The following MAB21L3 variants were observed in gnomAD, a reference collection of about 807,000 sequenced individuals.
MAB21L3 encodes mab-21 like 3.
MAB21L3 carries 36 observed loss-of-function variants against 37.7 expected under a neutral mutation model. The ratio of observed to expected loss-of-function variants is 0.96; its 90% confidence interval spans 0.73 to 1.26. MAB21L3 has a LOEUF of 1.26. MAB21L3 is among the 50% of genes most tolerant of loss of function. The pLI, the probability that MAB21L3 is intolerant of heterozygous loss-of-function variation, is 0.00. For synonymous variants in MAB21L3, 186 were observed against 176.8 expected, an observed-to-expected ratio of 1.05 and a Z score of -0.41; for missense variants, 430 against 447.3, an observed-to-expected ratio of 0.96 and a Z score of 0.35.
Position 116,114,531 on chromosome 1 carries a change from G to A in MAB21L3, c.48+1868G>A, listed in dbSNP as rs139361550. 6.0e-4 allele frequency among the ~76,000 whole-genome samples: 92 copies of A among 152,330 alleles called. 1 individual carries two copies. The East Asian group carries it at 0.015, about 24-fold the overall frequency. On this transcript the variant is annotated intron_variant, in intron 3 of 7. Coordinates refer to ENST00000369500, the MANE Select transcript of MAB21L3 (RefSeq NM_152367.3). ...CCTTGTCTTCTTTACTCCAAAGGCC[G>A]AACGTCCTCTGCCAAACTCCTCTAT...
In MAB21L3 at chr1:116,133,272, C is replaced by T; in HGVS notation, c.996C>T (p.Ser332=). The T allele has an allele frequency of 6.2e-7, 1 of 1,614,222 alleles. No individual in the cohort carries two copies. Among genetic ancestry groups the T allele is most frequent in the Non-Finnish European group, 8.5e-7 (1 of 1,180,040 alleles). ...HFLKHYFVRN[S]NLFQCTNPTE... is the part of the protein sequence containing the mutation. ...TGAAACACTATTTCGTCCGGAACAG[C>T]AACCTCTTTCAGTGCACCAACCCGA... The change falls in exon 8 of 8, where the codon AGC becomes AGT. Residue 332 remains serine (S), a synonymous_variant. Coordinates refer to ENST00000369500, the MANE Select transcript of MAB21L3 (RefSeq NM_152367.3).
chr1:116,124,149 G>T lies in MAB21L3; in HGVS notation c.273G>T (p.Arg91=). 1 of 1,614,232 alleles carries T rather than the reference G, an allele frequency of 6.2e-7. No individual in the cohort carries two copies. Among genetic ancestry groups the T allele is most frequent in the Non-Finnish European group, 8.5e-7 (1 of 1,180,040 alleles). Residue 91 remains arginine (R), a synonymous_variant, in exon 5 of 8, where the codon CGG becomes CGT. Coordinates refer to ENST00000369500, the MANE Select transcript of MAB21L3 (RefSeq NM_152367.3). Reference sequence around the variant, plus strand: ...GGGAGGCCAGGGAGCAGCACTGGCGGTACTACACACTGCAGGGCACCAGGC... The same window carrying T: ...GGGAGGCCAGGGAGCAGCACTGGCGTTACTACACACTGCAGGGCACCAGGC... The part of the protein sequence containing the change: ...GYREAREQHW[R]YYTLQGTRLP...
intron 3 of MAB21L3, among the ~76,000 whole-genome samples, chr1:116,120,400 T>C (rs1380793591): frequency 0.024 from 2,201 of 90,532 alleles, 51 homozygotes; most frequent in African/African-American, 0.19. Flanking sequence ...GATATTACAT[T>C]ATACACACAC....
intron 2 of MAB21L3, 41 bp downstream of exon 2, chr1:116,111,851 G>A (rs1050914420): frequency 6.6e-5 from 10 of 152,524 alleles, no homozygotes; most frequent in Non-Finnish European, 1.5e-4. Flanking sequence ...CTGTGGGTGT[G>A]TGCCCGTGTG....
In MAB21L3 at chr1:116,127,573, T is replaced by C; in HGVS notation, c.589T>C (p.Trp197Arg). Residue 197 changes from tryptophan to arginine, a missense_variant, in exon 6 of 8, where the codon TGG becomes CGG. Physicochemically the swap from Trp to Arg is moderately radical, Grantham distance 101. Transcript: ENST00000369500. ...CCCCGCAGTGGAGATCCCCACCACC[T>C]GGTCCAAGAAAGCCCGGTGGCCTCG... ...LVPAVEIPTT[W>R]SKKARWPRCL... The C allele has an allele frequency of 1.2e-6, 2 of 1,614,174 alleles. No individual in the cohort carries two copies. Among genetic ancestry groups the C allele is most frequent in the Non-Finnish European group, 1.7e-6 (2 of 1,180,036 alleles).
rs1238112557 is a variant in MAB21L3, at chr1:116,127,786, C to A, written c.660+142C>A. On this transcript the variant is annotated intron_variant, in intron 6 of 7. Transcript: ENST00000369500. ...AGTTCTCAAAGTGTGGGCCCTGCAG[C>A]AGCGTCACCTGAGAACTTGTTAGAA... The A allele has an allele frequency of 3.2e-6, 3 of 928,014 alleles. No homozygotes were observed. In the African/African-American group the frequency reaches 5.1e-5, roughly 16 times the overall value. 57.5% of individuals were successfully genotyped at this position (928,014 alleles called of 1,614,324 possible). A position where few individuals can be genotyped will look rare whatever the true frequency, so the allele number is the denominator to read the frequency against.
At chr1:116,123,412 A>T (rs1659805105) in intron 4 of MAB21L3, among the ~76,000 whole-genome samples, 1 of 152,232 alleles carries the variant, frequency 6.6e-6, no homozygotes, top group African/African-American at 2.4e-5. Flanking sequence ...AGGCCAAAAA[A>T]AAAAGGAGAT....
Position 116,112,020 on chromosome 1 carries a change from G to A in MAB21L3, c.-210+210G>A, listed in dbSNP as rs199576437. ...TGACAAGACCTGATCACTTGTTTGC[G>A]GGCATAATGATGGGTGTCAGGCTGG... On this transcript the variant is annotated intron_variant, in intron 2 of 7. Transcript: ENST00000369500. Among the ~76,000 whole-genome samples, 14 of 152,246 alleles carry A rather than the reference G, an allele frequency of 9.2e-5. No homozygotes were observed. The East Asian group carries it at 1.7e-3, about 19-fold the overall frequency.
In MAB21L3 at chr1:116,138,047, G is replaced by C. The variant is rs542921512; in HGVS notation, c.*4682G>C. On this transcript the variant is annotated 3_prime_UTR_variant, in exon 8 of 8. Transcript: ENST00000369500. The stretch of plus-strand genomic sequence containing the variant: ...TAGATGACGAGTTAGTGGGTGCAGC[G>C]CACCAGCATGGCACATGTATACATA... Among the ~76,000 whole-genome samples the C allele has an allele frequency of 6.6e-6, 1 of 150,476 alleles. No individual in the cohort carries two copies. Among genetic ancestry groups the C allele is most frequent in the African/African-American group, 2.4e-5 (1 of 40,834 alleles).
At chr1:116,120,431 A>AG in intron 3 of MAB21L3, among the ~76,000 whole-genome samples, 1 of 133,098 alleles carries the variant, frequency 7.5e-6, no homozygotes, top group African/African-American at 3.9e-5. Flanking sequence ...ACACACACAC[A>AG]AACACACACA....
At chr1:116,121,509 C>T (rs1659748423) in intron 4 of MAB21L3, among the ~76,000 whole-genome samples, 1 of 152,164 alleles carries the variant, frequency 6.6e-6, no homozygotes, top group Non-Finnish European at 1.5e-5. Context: ...GATTCCAAAG[C>T]ACATTCCGCT....
rs531141697 is a variant in MAB21L3, at chr1:116,118,481, A to G, written c.49-2451A>G. ...ATTTAATGTGCACCTCTTCCCCACC[A>G]TTAATGCTAGTGCCCAGTGTTCCCC... On this transcript the variant is annotated intron_variant, in intron 3 of 7. Coordinates refer to ENST00000369500, the MANE Select transcript of MAB21L3 (RefSeq NM_152367.3). 2.6e-5 allele frequency among the ~76,000 whole-genome samples: 4 copies of G among 152,122 alleles called. No individual in the cohort carries two copies. In the East Asian group the frequency reaches 7.7e-4, roughly 29 times the overall value.
At chr1:116,125,562 A>C (rs1197491820) in intron 5 of MAB21L3, among the ~76,000 whole-genome samples, 1 of 152,244 alleles carries the variant, frequency 6.6e-6, no homozygotes, top group Non-Finnish European at 1.5e-5. Context: ...TAAGTGAAAA[A>C]CCAAACTGCT....
chr1:116,128,670 C>A (rs1263116717), intron 7 of MAB21L3, among the ~76,000 whole-genome samples: 1 of 152,088 alleles, frequency 6.6e-6, no homozygotes, highest in Non-Finnish European at 1.5e-5. Context: ...CACTAGGTGC[C>A]AGAAACCCTG....
rs1232209562 is a variant in MAB21L3, at chr1:116,134,087, T to C, written c.*722T>C. ...GCAGGGAGGGGAATGGTTTTGATGA[T>C]AAGTGTAAGTCAAAGATGAAAGTAC... On this transcript the variant is annotated 3_prime_UTR_variant, in exon 8 of 8. Transcript: ENST00000369500. 1 of 151,206 alleles carries C rather than the reference T, an allele frequency of 6.6e-6. No individual in the cohort carries two copies. Among genetic ancestry groups the C allele is most frequent in the African/African-American group, 2.5e-5 (1 of 40,774 alleles). 9.4% of individuals were successfully genotyped at this position (151,206 alleles called of 1,614,324 possible).
chr1:116,133,510 C>A lies in MAB21L3; in HGVS notation c.*145C>A. The A allele has an allele frequency of 1.4e-6, 1 of 721,588 alleles. No homozygotes were observed. The highest frequency in any genetic ancestry group is 2.3e-6 in the Non-Finnish European group (1 of 437,674). 44.7% of individuals were successfully genotyped at this position (721,588 alleles called of 1,614,324 possible). A position where few individuals can be genotyped will look rare whatever the true frequency, so the allele number is the denominator to read the frequency against. ...AAATTACATCAAACCAGAAACACTTCAGCAGGGGGAAAACTGTGCCCCAGG... is the reference window on the plus strand; with the variant it reads ...AAATTACATCAAACCAGAAACACTTAAGCAGGGGGAAAACTGTGCCCCAGG... On this transcript the variant is annotated 3_prime_UTR_variant, in exon 8 of 8. Coordinates refer to ENST00000369500, the MANE Select transcript of MAB21L3 (RefSeq NM_152367.3).
In MAB21L3 at chr1:116,120,993, A is replaced by G; in HGVS notation, c.110A>G (p.His37Arg). The G allele has an allele frequency of 6.2e-7, 1 of 1,614,168 alleles. No individual in the cohort carries two copies. Among genetic ancestry groups the G allele is most frequent in the Non-Finnish European group, 8.5e-7 (1 of 1,180,032 alleles). ...GAGGAGGTGCAGAAAGTCGTTCATC[A>G]TTTGACCACAAACATCAGCAACCAA... ...AVEEVQKVVH[H>R]LTTNISNQDI... The change falls in exon 4 of 8, where the codon CAT (histidine) becomes CGT (arginine). Residue 37 changes from histidine to arginine, a missense_variant. Coordinates refer to ENST00000369500, the MANE Select transcript of MAB21L3 (RefSeq NM_152367.3).
chr1:116,128,044 TG>T, intron 6 of MAB21L3, 100 bp from the exon 7 acceptor site: 2 of 1,258,368 alleles, frequency 1.6e-6, no homozygotes, highest in Non-Finnish European at 2.2e-6. Flanking sequence ...GCTGTCTGCC[TG>T]GTGACAAGTT....
intron 4 of MAB21L3, 91 bp from the exon 5 acceptor site, chr1:116,123,975 G>T: frequency 7.3e-7 from 1 of 1,360,736 alleles, no homozygotes. Flanking sequence ...GGTTAACAGA[G>T]CTGCCTGACG....
Sources: allele counts gnomAD v4.1 joint callset (sites outside exome capture counted in the v4.1 genomes callset), GRCh38; gene constraint gnomAD v4.1.1; transcripts MANE v1.5; gene names NCBI Gene and HGNC (gene_info 2026-07-23, HGNC 2026-07-21).